The following TRPM3 variants were observed in gnomAD, a reference collection of about 807,000 sequenced individuals.
TRPM3 encodes the protein transient receptor potential cation channel subfamily M member 3, also known as long transient receptor potential channel 3.
A neutral mutation model predicts 181.2 loss-of-function variants in TRPM3; 77 were observed. That is an observed-to-expected ratio of 0.42 (90% CI 0.35 to 0.51). TRPM3 has a LOEUF of 0.51. TRPM3 is among the 20% of genes least tolerant of loss of function. The pLI, the probability that TRPM3 is intolerant of heterozygous loss-of-function variation, is 0.01. For synonymous variants in TRPM3, 745 were observed against 796.4 expected, an observed-to-expected ratio of 0.94 and a Z score of 1.09; for missense variants, 1,759 against 2,196.7, an observed-to-expected ratio of 0.80 and a Z score of 3.98.
At chr9:70,844,737 G>A (rs1297482473) in intron 4 of TRPM3, among the ~76,000 whole-genome samples, 1 of 152,160 alleles carries the variant, frequency 6.6e-6, no homozygotes, top group Admixed American at 6.6e-5. Flanking sequence ...TGGCATGTAG[G>A]CTATAAATTC....
intron 22 of TRPM3, among the ~76,000 whole-genome samples, chr9:70,564,367 G>A (rs1349739926): frequency 1.3e-5 from 2 of 152,104 alleles, no homozygotes; most frequent in African/African-American, 4.8e-5. Flanking sequence ...TGAGCAATGA[G>A]GGCAGGAGGA....
At chr9:71,231,892 C>A (rs1331286122) in intron 1 of TRPM3, among the ~76,000 whole-genome samples, 1 of 152,130 alleles carries the variant, frequency 6.6e-6, no homozygotes, top group African/African-American at 2.4e-5. Context: ...TATAATAAAC[C>A]TGAACATGAA....
chr9:71,215,470 T>C (rs1504397), intron 1 of TRPM3, among the ~76,000 whole-genome samples: 65,287 of 152,050 alleles, frequency 0.43, 14,417 homozygotes, highest in East Asian at 0.52. Context: ...TTAGGATCCA[T>C]TGGATGGATT....
At chr9:70,908,875 G>A (rs983101884) in intron 1 of TRPM3, among the ~76,000 whole-genome samples, 4 of 152,200 alleles carry the variant, frequency 2.6e-5, no homozygotes, top group African/African-American at 9.6e-5. Flanking sequence ...AGAGCAGAAG[G>A]TGAAGGACAA....
Position 70,997,061 on chromosome 9 carries a change from A to T in TRPM3, c.177+124117T>A, listed in dbSNP as rs1004204725. On this transcript the variant is annotated intron_variant, in intron 1 of 25. Transcript: ENST00000677713. ...AAATGGAATATGGTTTGTTGCTCGC[A>T]TCTTGAGAAGTACCTAGATGGACGA... Among the ~76,000 whole-genome samples, 27 of 152,238 alleles carry T rather than the reference A, an allele frequency of 1.8e-4. 1 individual carries two copies. The highest frequency in any genetic ancestry group is 1.8e-3 in the Admixed American group (27 of 15,284).
intron 1 of TRPM3, among the ~76,000 whole-genome samples, chr9:71,408,401 G>C (rs866694899): frequency 7.9e-5 from 12 of 152,130 alleles, no homozygotes; most frequent in Admixed American, 7.9e-4. Flanking sequence ...GCATAGAGAA[G>C]ACCTTAAATG....
At chr9:70,900,159 C>T (rs534451353) in intron 1 of TRPM3, among the ~76,000 whole-genome samples, 127 of 152,186 alleles carry the variant, frequency 8.3e-4, no homozygotes, top group African/African-American at 2.3e-3. Context: ...AAATACATCT[C>T]TAGAAAATCA....
At chr9:71,010,485 G>A (rs1039529911) in intron 1 of TRPM3, among the ~76,000 whole-genome samples, 2 of 151,948 alleles carry the variant, frequency 1.3e-5, no homozygotes, top group Admixed American at 6.6e-5. Context: ...CTGAAAAGAC[G>A]ACAACAAATA....
At chr9:71,217,193 G>A (rs924752234) in intron 1 of TRPM3, among the ~76,000 whole-genome samples, 13 of 151,352 alleles carry the variant, frequency 8.6e-5, no homozygotes, top group African/African-American at 2.2e-4. Context: ...CTCGTGATCC[G>A]CCCGCCTCGG....
intron 1 of TRPM3, among the ~76,000 whole-genome samples, chr9:71,259,834 G>A (rs557673982): frequency 1.3e-5 from 2 of 152,164 alleles, no homozygotes; most frequent in Non-Finnish European, 2.9e-5. Flanking sequence ...ATTCTGTAGG[G>A]TGGCTGTTCA....
chr9:70,694,946 G>T (rs1368198881), intron 8 of TRPM3, among the ~76,000 whole-genome samples: 1 of 152,202 alleles, frequency 6.6e-6, no homozygotes, highest in Non-Finnish European at 1.5e-5. Flanking sequence ...TGCCTACAAA[G>T]TAAGCTAAGT....
chr9:70,846,220 C>T lies in TRPM3; in HGVS notation c.676+158G>A, dbSNP rs1469070481. On this transcript the variant is annotated intron_variant, in intron 4 of 25. Coordinates refer to ENST00000677713, the MANE Select transcript of TRPM3 (RefSeq NM_001366145.2). ...TTGGTTAAGAAATAACTTTACAGTT[C>T]TCATTTAGATAAAGGAGGGAGTGAT... Among the ~76,000 whole-genome samples the T allele has an allele frequency of 3.3e-5, 5 of 152,128 alleles. No homozygotes were observed. The East Asian group carries it at 9.6e-4, about 29-fold the overall frequency.
At chr9:70,985,257 G>T (rs1158554651) in intron 1 of TRPM3, among the ~76,000 whole-genome samples, 1 of 152,190 alleles carries the variant, frequency 6.6e-6, no homozygotes, top group Non-Finnish European at 1.5e-5. Flanking sequence ...CTGCTGGAAG[G>T]TGTCTGGGAA....
chr9:71,075,802 T>C (rs1738696506), intron 1 of TRPM3, among the ~76,000 whole-genome samples: 1 of 152,222 alleles, frequency 6.6e-6, no homozygotes. Context: ...AATAGGATCT[T>C]GATGAACAGA....
chr9:71,197,213 T>C (rs1004569237), intron 1 of TRPM3, among the ~76,000 whole-genome samples: 8 of 152,222 alleles, frequency 5.3e-5, no homozygotes, highest in Middle Eastern at 3.2e-3. Context: ...TCCTTTTAAA[T>C]GGCTGCATAG....
chr9:70,849,111 G>A (rs1320206000), intron 3 of TRPM3, among the ~76,000 whole-genome samples: 1 of 152,122 alleles, frequency 6.6e-6, no homozygotes, highest in Non-Finnish European at 1.5e-5. Flanking sequence ...TTACTTCTAG[G>A]CACCTTCACT....
intron 1 of TRPM3, among the ~76,000 whole-genome samples, chr9:70,893,158 ATAATGCTTTTTC>A (rs1367614519): frequency 1.3e-5 from 2 of 152,120 alleles, no homozygotes; most frequent in African/African-American, 4.8e-5. Context: ...TGCGACACCA[ATAATGCTTTTTC>A]TAATGAAACT....
chr9:70,845,740 T>C (rs1431855311), intron 4 of TRPM3, among the ~76,000 whole-genome samples: 1 of 152,118 alleles, frequency 6.6e-6, no homozygotes, highest in Non-Finnish European at 1.5e-5. Context: ...AGGCATCCAT[T>C]CCATTATCTG....
rs756713006 is a variant in TRPM3 at position 70,536,086 on chromosome 9, C to T, written c.5027G>A (p.Arg1676Gln). Residue 1676 changes from arginine to glutamine, a missense_variant, in exon 26 of 26, where the codon CGG becomes CAG. Around this residue, in one of 8 missense-constraint regions of TRPM3, gnomAD observed 612 missense variants for 590.0 expected, o/e 1.04. Transcript: ENST00000677713. The stretch of plus-strand genomic sequence containing the variant: ...GGGATTTCGCAGGCTTGCTGTGTTC[C>T]GCTGCCTGTCGAGTTTGTCACTGAT... Reference protein sequence around the residue: ...FSISDKLDRQRNTASLRNPFQ... With the variant: ...FSISDKLDRQQNTASLRNPFQ... The T allele has an allele frequency of 1.9e-5, 31 of 1,614,040 alleles. No individual in the cohort carries two copies. The highest frequency in any genetic ancestry group is 2.5e-5 in the Non-Finnish European group (29 of 1,180,016).
Sources: gnomAD v4.1 joint callset for allele counts (sites outside exome capture counted in the v4.1 genomes callset) on GRCh38, gnomAD v4.1.1 for gene constraint, gnomAD v4.1.1 regional missense constraint, MANE v1.5 for transcripts, NCBI Gene and HGNC (gene_info 2026-07-23, HGNC 2026-07-21) for gene names.